CYP2C19: variants seen among roughly 807,000 people sequenced by gnomAD.
CYP2C19 encodes cytochrome P450 2C19.
CYP2C19 carries 59 observed loss-of-function variants against 40.9 expected under a neutral mutation model. That is an observed-to-expected ratio of 1.44 (90% CI 1.17 to 1.79). The LOEUF (loss-of-function observed/expected upper bound fraction) is 1.79, where lower values mean the gene tolerates loss of function less well. Among genes scored for constraint, CYP2C19 ranks in the 40% most tolerant of loss-of-function variants. The pLI is 0.00. For missense variants in CYP2C19, 754 were observed against 596.9 expected, an observed-to-expected ratio of 1.26 and a Z score of -2.74; for synonymous variants, 253 against 208.7, an observed-to-expected ratio of 1.21 and a Z score of -1.83.
chr10:94,836,685 C>T (rs182231121), intron 6 of CYP2C19, among the ~76,000 whole-genome samples: 22 of 152,342 alleles, frequency 1.4e-4, no homozygotes, highest in Admixed American at 1.4e-3. Context: ...ATACGTTCCT[C>T]ACTGAGGGCC....
At chr10:94,817,943 G>A (rs1385056558) in intron 5 of CYP2C19, among the ~76,000 whole-genome samples, 319 of 132,960 alleles carry the variant, frequency 2.4e-3, no homozygotes, top group Middle Eastern at 3.7e-3. Context: ...AACCCGGGAG[G>A]CGGAGCTTGC....
chr10:94,827,903 G>A (rs1472842149), intron 6 of CYP2C19, among the ~76,000 whole-genome samples: 1 of 151,736 alleles, frequency 6.6e-6, no homozygotes, highest in Non-Finnish European at 1.5e-5. Flanking sequence ...CTTTATTTCT[G>A]CCTTCATTTC....
At chr10:94,802,167 T>C (rs2134253858) in intron 5 of CYP2C19, among the ~76,000 whole-genome samples, 1 of 152,298 alleles carries the variant, frequency 6.6e-6, no homozygotes, top group East Asian at 1.9e-4. Context: ...TACAGTGTGC[T>C]GATTGGTCCA....
chr10:94,779,541 C>CT (rs17878417), intron 3 of CYP2C19, among the ~76,000 whole-genome samples: 1 of 88,594 alleles, frequency 1.1e-5, no homozygotes, highest in African/African-American at 3.9e-5. Flanking sequence ...TATTAATTTA[C>CT]TTTTTTTCCT....
At chr10:94,836,818 A>G (rs558623707) in intron 6 of CYP2C19, among the ~76,000 whole-genome samples, 2 of 152,330 alleles carry the variant, frequency 1.3e-5, no homozygotes, top group African/African-American at 4.8e-5. Context: ...GGGTGGCTTG[A>G]TGGCACAAGG....
intron 6 of CYP2C19, among the ~76,000 whole-genome samples, chr10:94,837,916 C>G (rs1849430762): frequency 6.6e-6 from 1 of 152,170 alleles, no homozygotes; most frequent in Non-Finnish European, 1.5e-5. Context: ...GACGAGGGGG[C>G]AGCTTACTTC....
chr10:94,799,948 A>C (rs1848741204), intron 5 of CYP2C19, among the ~76,000 whole-genome samples: 1 of 152,122 alleles, frequency 6.6e-6, no homozygotes, highest in Non-Finnish European at 1.5e-5. Flanking sequence ...GCGTTAGAAC[A>C]TGCTCCTTTA....
At chr10:94,835,966 G>C (rs754397230) in intron 6 of CYP2C19, among the ~76,000 whole-genome samples, 1 of 152,136 alleles carries the variant, frequency 6.6e-6, no homozygotes, top group South Asian at 2.1e-4. Context: ...GTTGAAGTCA[G>C]GATCAGTCAA....
At chr10:94,834,176 G>A (rs1182005840) in intron 6 of CYP2C19, among the ~76,000 whole-genome samples, 2 of 151,982 alleles carry the variant, frequency 1.3e-5, no homozygotes, top group South Asian at 2.1e-4. Flanking sequence ...TTTGATCTTG[G>A]TACTGGTCAT....
At chr10:94,810,414 A>G (rs1848902717) in intron 5 of CYP2C19, among the ~76,000 whole-genome samples, 1 of 152,146 alleles carries the variant, frequency 6.6e-6, no homozygotes, top group Admixed American at 6.5e-5. Flanking sequence ...TGAGTTAGGA[A>G]AGAGTCTGTC....
At chr10:94,816,140 C>T (rs746321917) in intron 5 of CYP2C19, among the ~76,000 whole-genome samples, 1 of 151,640 alleles carries the variant, frequency 6.6e-6, no homozygotes, top group Non-Finnish European at 1.5e-5. Flanking sequence ...ACTGCAGAGT[C>T]TGACAAATGG....
At chr10:94,850,372 T>A (rs966321532) in intron 8 of CYP2C19, among the ~76,000 whole-genome samples, 1 of 152,186 alleles carries the variant, frequency 6.6e-6, no homozygotes, top group Non-Finnish European at 1.5e-5. Context: ...TACATTTTCC[T>A]CACTAGCCAT....
chr10:94,838,725 T>A (rs1025495702), intron 6 of CYP2C19, among the ~76,000 whole-genome samples: 5 of 152,246 alleles, frequency 3.3e-5, no homozygotes, highest in African/African-American at 1.2e-4. Context: ...GGGCTTCCTG[T>A]AGGGCATAAA....
Position 94,849,960 on chromosome 10 carries a change from A to G in CYP2C19, c.1193A>G (p.Asn398Ser), listed in dbSNP as rs1257591310. 3 of 1,613,810 alleles carry G rather than the reference A, an allele frequency of 1.9e-6. No homozygotes were observed. Among genetic ancestry groups the G allele is most frequent in the Non-Finnish European group, 2.5e-6 (3 of 1,179,802 alleles). ...LTSLTSVLHD[N>S]KEFPNPEMFD... ...TCCCTCACTTCTGTGCTACATGACA[A>G]CAAAGAATTTCCCAACCCAGAGATG... Residue 398 changes from asparagine to serine, a missense_variant, in exon 8 of 9, where the codon AAC (asparagine) becomes AGC (serine). Transcript: ENST00000371321.
intron 5 of CYP2C19, among the ~76,000 whole-genome samples, chr10:94,788,168 C>T (rs1246955190): frequency 1.3e-5 from 2 of 151,670 alleles, no homozygotes; most frequent in Non-Finnish European, 2.9e-5. Flanking sequence ...CTTGATTTGG[C>T]TTTCAGCATG....
intron 1 of CYP2C19, among the ~76,000 whole-genome samples, chr10:94,768,928 C>A (rs923947438): frequency 6.6e-6 from 1 of 152,154 alleles, no homozygotes; most frequent in Non-Finnish European, 1.5e-5. Context: ...TGAGTATTTG[C>A]CCTCTGGGTT....
intron 5 of CYP2C19, among the ~76,000 whole-genome samples, chr10:94,792,928 G>A (rs1352501949): frequency 6.6e-6 from 1 of 152,080 alleles, no homozygotes; most frequent in Non-Finnish European, 1.5e-5. Context: ...AAGTTCTCCT[G>A]GATAATATTC....
At chr10:94,822,292 T>A (rs1452109337) in intron 6 of CYP2C19, among the ~76,000 whole-genome samples, 1 of 152,144 alleles carries the variant, frequency 6.6e-6, no homozygotes, top group Non-Finnish European at 1.5e-5. Context: ...ATAGCAAGAC[T>A]TATTTACTAT....
At position 94,854,162 on chromosome 10, in the gene CYP2C19, G is replaced by T. The variant is rs762513097; in HGVS notation, c.*1248G>T. On this transcript the variant is annotated 3_prime_UTR_variant, in exon 9 of 9. Coordinates refer to ENST00000371321, the MANE Select transcript of CYP2C19 (RefSeq NM_000769.4). Reference sequence around the variant, plus strand: ...GCCCCCCAAGTAGCTGGGATTACAGGTGCCTACCACCACACCAGGCTAATT... The same window carrying T: ...GCCCCCCAAGTAGCTGGGATTACAGTTGCCTACCACCACACCAGGCTAATT... 4.0e-5 allele frequency among the ~76,000 whole-genome samples: 6 copies of T among 151,806 alleles called. No homozygotes were observed. Among genetic ancestry groups the T allele is most frequent in the African/African-American group, 1.5e-4 (6 of 41,306 alleles).
Sources: allele counts gnomAD v4.1 joint callset (sites outside exome capture counted in the v4.1 genomes callset), GRCh38; gene constraint gnomAD v4.1.1; transcripts MANE v1.5; gene names NCBI Gene and HGNC (gene_info 2026-07-23, HGNC 2026-07-21).